The following EPHA5 variants were observed in gnomAD, a reference collection of about 807,000 sequenced individuals.
EPHA5 encodes the protein EPH receptor A5, also known as ephrin type-A receptor 5.
Under a neutral mutation model 105.0 loss-of-function variants are expected in EPHA5, and 60 were observed. That is an observed-to-expected ratio of 0.57 (90% CI 0.46 to 0.71). EPHA5 has a LOEUF of 0.71. Among genes scored for constraint, EPHA5 ranks in the 30% least tolerant of loss-of-function variants. The probability of loss-of-function intolerance (pLI) is 0.00; values close to 1 mark genes in which losing one functional copy is unlikely to be tolerated. For missense variants in EPHA5, 1,218 were observed against 1,274.7 expected, an observed-to-expected ratio of 0.96 and a Z score of 0.68; for synonymous variants, 513 against 449.1, an observed-to-expected ratio of 1.14 and a Z score of -1.80.
rs113329908 is a variant in EPHA5 at position 65,438,595 on chromosome 4, A to G, written c.1403-18030T>C. Among the ~76,000 whole-genome samples the G allele has an allele frequency of 1.4e-3, 206 of 152,138 alleles. 1 individual carries two copies. Among genetic ancestry groups the G allele is most frequent in the African/African-American group, 4.6e-3 (190 of 41,558 alleles). On this transcript the variant is annotated intron_variant, in intron 5 of 16. Transcript: ENST00000613740. ...TGAGGAGAGTTATGAAAGGATTTCA[A>G]TAAGAAAATATGTGAGCTGAAGCTT...
chr4:65,418,477 A>T (rs1723604069), intron 6 of EPHA5, among the ~76,000 whole-genome samples: 1 of 152,156 alleles, frequency 6.6e-6, no homozygotes, highest in African/African-American at 2.4e-5. Context: ...ACCATATCCC[A>T]ACATAACTTT....
At chr4:65,457,968 G>A (rs1727759846) in intron 5 of EPHA5, among the ~76,000 whole-genome samples, 1 of 151,278 alleles carries the variant, frequency 6.6e-6, no homozygotes, top group African/African-American at 2.4e-5. Context: ...CAGCTACTCG[G>A]GAGGCTGAGG....
intron 3 of EPHA5, among the ~76,000 whole-genome samples, chr4:65,563,214 C>G (rs183654069): frequency 2.0e-5 from 3 of 152,060 alleles, no homozygotes; most frequent in Non-Finnish European, 2.9e-5. Context: ...GCAGACCTGT[C>G]CCTTGTTCAA....
At chr4:65,512,850 G>A (rs906660884) in intron 3 of EPHA5, among the ~76,000 whole-genome samples, 6 of 152,008 alleles carry the variant, frequency 3.9e-5, no homozygotes, top group Non-Finnish European at 7.4e-5. Flanking sequence ...AACATGAAAT[G>A]TAAATGAATA....
At chr4:65,384,848 T>C (rs998708753) in intron 8 of EPHA5, among the ~76,000 whole-genome samples, 10 of 151,852 alleles carry the variant, frequency 6.6e-5, no homozygotes, top group African/African-American at 2.2e-4. Context: ...TCATGTTTCT[T>C]ACTCCTGCAG....
chr4:65,517,511 T>C (rs1734223075), intron 3 of EPHA5, among the ~76,000 whole-genome samples: 1 of 151,952 alleles, frequency 6.6e-6, no homozygotes, highest in Admixed American at 6.6e-5. Flanking sequence ...TTAAGCCAGT[T>C]ATCATGTAAT....
chr4:65,662,330 G>A (rs576359386), intron 1 of EPHA5, among the ~76,000 whole-genome samples: 1 of 151,952 alleles, frequency 6.6e-6, no homozygotes, highest in Non-Finnish European at 1.5e-5. Flanking sequence ...TCAGGTTTTG[G>A]CTCTTTAATT....
intron 14 of EPHA5, among the ~76,000 whole-genome samples, chr4:65,339,739 G>A (rs1161414011): frequency 6.6e-6 from 1 of 152,076 alleles, no homozygotes; most frequent in Non-Finnish European, 1.5e-5. Context: ...GGCACAAGGT[G>A]GGAAACAACC....
chr4:65,491,330 T>C (rs1731379970), intron 4 of EPHA5, among the ~76,000 whole-genome samples: 1 of 152,094 alleles, frequency 6.6e-6, no homozygotes, highest in Non-Finnish European at 1.5e-5. Context: ...TAAAACATAT[T>C]TTACTTTGAT....
intron 5 of EPHA5, among the ~76,000 whole-genome samples, chr4:65,466,842 GC>G (rs1728768780): frequency 6.6e-6 from 1 of 152,040 alleles, no homozygotes; most frequent in African/African-American, 2.4e-5. Context: ...GTTTTTATAG[GC>G]CGAAAGTCCT....
At chr4:65,585,258 G>C (rs757510693) in intron 3 of EPHA5, among the ~76,000 whole-genome samples, 64 of 151,662 alleles carry the variant, frequency 4.2e-4, no homozygotes, top group Non-Finnish European at 7.7e-4. Flanking sequence ...ATTTATAAGG[G>C]AGGAGAAAAA....
intron 8 of EPHA5, among the ~76,000 whole-genome samples, chr4:65,401,072 G>C (rs1200485997): frequency 6.6e-6 from 1 of 151,038 alleles, no homozygotes; most frequent in Non-Finnish European, 1.5e-5. Flanking sequence ...GAGAGAGAGA[G>C]AAAGAAAAAA....
At chr4:65,458,237 C>G (rs763579641) in intron 5 of EPHA5, among the ~76,000 whole-genome samples, 1 of 151,912 alleles carries the variant, frequency 6.6e-6, no homozygotes, top group South Asian at 2.1e-4. Context: ...TAGTTTCATA[C>G]GAAGAAATTG....
chr4:65,650,098 T>C (rs1748459570), intron 1 of EPHA5, among the ~76,000 whole-genome samples: 1 of 152,150 alleles, frequency 6.6e-6, no homozygotes, highest in South Asian at 2.1e-4. Context: ...TCCTGTAAAT[T>C]TGTAAAACTG....
intron 5 of EPHA5, among the ~76,000 whole-genome samples, chr4:65,462,074 A>C (rs1457201449): frequency 6.6e-6 from 1 of 152,130 alleles, no homozygotes; most frequent in African/African-American, 2.4e-5. Flanking sequence ...ATACATAATT[A>C]ATACAGGGCT....
intron 11 of EPHA5, among the ~76,000 whole-genome samples, chr4:65,360,002 T>G (rs1359824767): frequency 6.6e-6 from 1 of 151,638 alleles, no homozygotes; most frequent in African/African-American, 2.4e-5. Context: ...ATGGCCTTCT[T>G]GCTGTTTCTC....
chr4:65,408,057 T>C (rs1722538031), intron 7 of EPHA5, among the ~76,000 whole-genome samples: 1 of 152,226 alleles, frequency 6.6e-6, no homozygotes, highest in Non-Finnish European at 1.5e-5. Context: ...CATGCATGAA[T>C]TAATTTGTGA....
intron 16 of EPHA5, 196 bp downstream of exon 16, chr4:65,331,777 A>T: frequency 8.0e-7 from 1 of 1,243,890 alleles, no homozygotes; most frequent in Non-Finnish European, 1.0e-6. Context: ...TTTGAAGCAA[A>T]GAAGCAAAGA....
chr4:65,544,517 C>CCT (rs1737181055), intron 3 of EPHA5, among the ~76,000 whole-genome samples: 1 of 151,810 alleles, frequency 6.6e-6, no homozygotes. Flanking sequence ...CAAATCAAAG[C>CCT]CACAATGAGA....
Sources: gnomAD v4.1 joint callset for allele counts (sites outside exome capture counted in the v4.1 genomes callset) on GRCh38, gnomAD v4.1.1 for gene constraint, MANE v1.5 for transcripts, NCBI Gene and HGNC (gene_info 2026-07-23, HGNC 2026-07-21) for gene names.